The following ROBO1 variants were observed in gnomAD, a reference collection of about 807,000 sequenced individuals.
ROBO1 encodes roundabout guidance receptor 1, also known as roundabout homolog 1.
In ROBO1, 149 loss-of-function variants were observed where a neutral mutation model predicts 195.9. That is an observed-to-expected ratio of 0.76 (90% CI 0.67 to 0.87). The LOEUF (loss-of-function observed/expected upper bound fraction) is 0.87, where lower values mean the gene tolerates loss of function less well. Among genes scored for constraint, ROBO1 ranks in the 40% least tolerant of loss-of-function variants. The probability of loss-of-function intolerance (pLI) is 0.00; values close to 1 mark genes in which losing one functional copy is unlikely to be tolerated. For synonymous variants in ROBO1, 816 were observed against 733.2 expected, an observed-to-expected ratio of 1.11 and a Z score of -1.82; for missense variants, 1,933 against 2,068.3, an observed-to-expected ratio of 0.93 and a Z score of 1.27.
chr3:79,693,383 TTGTGTGTG>T (rs55667736), intron 1 of ROBO1, among the ~76,000 whole-genome samples: 189 of 145,232 alleles, frequency 1.3e-3, no homozygotes, highest in African/African-American at 3.1e-3. Flanking sequence ...ATATAGAGAT[TTGTGTGTG>T]TGTGTGTGTG....
At chr3:78,757,934 AAAT>A (rs1382630585) in intron 4 of ROBO1, among the ~76,000 whole-genome samples, 1 of 152,180 alleles carries the variant, frequency 6.6e-6, no homozygotes, top group Non-Finnish European at 1.5e-5. Flanking sequence ...TTTGGCTTCA[AAAT>A]AATAATGCCA....
At chr3:78,984,875 T>C (rs547724320) in intron 3 of ROBO1, among the ~76,000 whole-genome samples, 119 of 152,286 alleles carry the variant, frequency 7.8e-4, no homozygotes, top group Non-Finnish European at 1.2e-3. Flanking sequence ...TGGGTCCACT[T>C]ATACGTGAAT....
intron 8 of ROBO1, among the ~76,000 whole-genome samples, chr3:78,696,128 A>G (rs1256854520): frequency 2.5e-4 from 17 of 68,184 alleles, no homozygotes; most frequent in Admixed American, 5.8e-4. Flanking sequence ...AGAATCAGAA[A>G]AAAAAAAAAA....
chr3:79,685,069 C>T (rs954556506), intron 1 of ROBO1, among the ~76,000 whole-genome samples: 5 of 152,010 alleles, frequency 3.3e-5, no homozygotes, highest in African/African-American at 4.8e-5. Context: ...TGGTAGTTTC[C>T]GTTTATTTGT....
intron 1 of ROBO1, among the ~76,000 whole-genome samples, chr3:79,678,944 G>T (rs1946863086): frequency 1.3e-5 from 2 of 151,812 alleles, no homozygotes; most frequent in Non-Finnish European, 2.9e-5. Flanking sequence ...GTCACAAAAT[G>T]GACACTTAAT....
intron 1 of ROBO1, among the ~76,000 whole-genome samples, chr3:79,689,840 C>A (rs1279942751): frequency 1.3e-5 from 2 of 151,872 alleles, no homozygotes; most frequent in Admixed American, 1.3e-4. Flanking sequence ...ACAGAAATAA[C>A]AAATATTGAG....
intron 4 of ROBO1, among the ~76,000 whole-genome samples, chr3:78,786,146 C>T (rs333494): frequency 0.97 from 147,323 of 152,230 alleles, 71,466 homozygotes; most frequent in East Asian, 1. Context: ...CCATGACTTC[C>T]ACCTACTTTC....
At chr3:79,729,734 A>C (rs748015689) in intron 1 of ROBO1, among the ~76,000 whole-genome samples, 103 of 152,302 alleles carry the variant, frequency 6.8e-4, no homozygotes, top group Admixed American at 1.7e-3. Flanking sequence ...AAACCTATAC[A>C]CACAAACTGT....
intron 2 of ROBO1, among the ~76,000 whole-genome samples, chr3:79,228,952 C>G (rs112086774): frequency 2.0e-4 from 30 of 152,208 alleles, no homozygotes; most frequent in African/African-American, 7.2e-4. Context: ...GCAATCTCTT[C>G]ATTTCTTAAA....
intron 4 of ROBO1, among the ~76,000 whole-genome samples, chr3:78,749,438 T>C (rs2082735654): frequency 6.6e-6 from 1 of 152,156 alleles, no homozygotes; most frequent in Non-Finnish European, 1.5e-5. Context: ...ATGTAATCCA[T>C]TAAAAACTGT....
At chr3:79,392,225 C>T (rs1348957744) in intron 2 of ROBO1, among the ~76,000 whole-genome samples, 1 of 152,226 alleles carries the variant, frequency 6.6e-6, no homozygotes, top group Non-Finnish European at 1.5e-5. Flanking sequence ...TGGGCAACCT[C>T]AATGTGTCCC....
At chr3:79,225,738 C>A (rs2108838395) in intron 2 of ROBO1, among the ~76,000 whole-genome samples, 1 of 152,290 alleles carries the variant, frequency 6.6e-6, no homozygotes, top group African/African-American at 2.4e-5. Context: ...AATAAAAAGT[C>A]TTGCCCCTTC....
intron 3 of ROBO1, among the ~76,000 whole-genome samples, chr3:78,960,462 A>C (rs1426550856): frequency 6.6e-6 from 1 of 151,792 alleles, no homozygotes; most frequent in Non-Finnish European, 1.5e-5. Flanking sequence ...ACTAAATAAC[A>C]CTATGGAAGA....
intron 4 of ROBO1, among the ~76,000 whole-genome samples, chr3:78,863,740 C>A (rs1247818025): frequency 1.3e-5 from 2 of 152,124 alleles, no homozygotes; most frequent in East Asian, 3.9e-4. Flanking sequence ...CCAAAATATA[C>A]CCAACAAATG....
intron 5 of ROBO1, among the ~76,000 whole-genome samples, chr3:78,721,833 C>A (rs1207200353): frequency 6.6e-6 from 1 of 152,138 alleles, no homozygotes; most frequent in Non-Finnish European, 1.5e-5. Context: ...CTTGCTTATG[C>A]ACACGTGGGC....
chr3:78,882,836 T>C (rs2036266726), intron 4 of ROBO1, among the ~76,000 whole-genome samples: 1 of 141,604 alleles, frequency 7.1e-6, no homozygotes, highest in African/African-American at 2.6e-5. Context: ...TTTCTGAGCC[T>C]GAGTCTCACT....
chr3:78,985,373 C>T (rs775356473), intron 3 of ROBO1, among the ~76,000 whole-genome samples: 4 of 152,100 alleles, frequency 2.6e-5, no homozygotes, highest in Non-Finnish European at 5.9e-5. Context: ...ATATAACATA[C>T]AAAATACATG....
intron 21 of ROBO1, among the ~76,000 whole-genome samples, chr3:78,643,681 T>G (rs1437242600): frequency 6.6e-6 from 1 of 152,108 alleles, no homozygotes; most frequent in East Asian, 1.9e-4. Flanking sequence ...CTAAACATGA[T>G]AGGTCCTATT....
At chr3:79,004,887 C>A (rs916393615) in intron 3 of ROBO1, among the ~76,000 whole-genome samples, 1 of 152,034 alleles carries the variant, frequency 6.6e-6, no homozygotes, top group African/African-American at 2.4e-5. Context: ...AAGAAAAGGT[C>A]TTTGTAAGGA....
Sources: allele counts gnomAD v4.1 joint callset (sites outside exome capture counted in the v4.1 genomes callset), GRCh38; gene constraint gnomAD v4.1.1; transcripts MANE v1.5; gene names NCBI Gene and HGNC (gene_info 2026-07-23, HGNC 2026-07-21).